MPPED2: variants seen among roughly 807,000 people sequenced by gnomAD.
MPPED2 encodes the protein metallophosphoesterase domain containing 2.
A neutral mutation model predicts 33.0 loss-of-function variants in MPPED2; 5 were observed. The observed-to-expected ratio is 0.15, with a 90% CI of 0.08 to 0.32. The LOEUF is 0.32. Ranked by LOEUF, MPPED2 falls within the 10% of genes least tolerant of loss-of-function variation. MPPED2 has a pLI of 1.00. For missense variants in MPPED2, 275 were observed against 372.1 expected (o/e 0.74, Z 2.15); for synonymous variants, 136 against 141.9 (o/e 0.96, Z 0.29).
At chr11:30,559,476 C>T (rs1305523768) in intron 2 of MPPED2, among the ~76,000 whole-genome samples, 2 of 152,096 alleles carry the variant, frequency 1.3e-5, no homozygotes, top group Admixed American at 1.3e-4. Context: ...CATGAACATG[C>T]TTAATTTGTA....
chr11:30,558,918 G>GGAT (rs1956113145), intron 2 of MPPED2, among the ~76,000 whole-genome samples: 1 of 152,092 alleles, frequency 6.6e-6, no homozygotes, highest in Non-Finnish European at 1.5e-5. Flanking sequence ...GCCAAAAGAA[G>GGAT]GATCTAGTTT....
chr11:30,439,882 T>C (rs1211186021), intron 4 of MPPED2, among the ~76,000 whole-genome samples: 1 of 152,244 alleles, frequency 6.6e-6, no homozygotes, highest in Non-Finnish European at 1.5e-5. Context: ...TTAACATCTC[T>C]GTGTCTCAGT....
At chr11:30,507,949 A>AG (rs1206278674) in intron 3 of MPPED2, among the ~76,000 whole-genome samples, 1 of 152,158 alleles carries the variant, frequency 6.6e-6, no homozygotes, top group African/African-American at 2.4e-5. Flanking sequence ...GCAGAATTGG[A>AG]GGTCTATTTT....
At chr11:30,497,139 G>C (rs115740636) in intron 3 of MPPED2, among the ~76,000 whole-genome samples, 233 of 152,252 alleles carry the variant, frequency 1.5e-3, no homozygotes, top group African/African-American at 5.3e-3. Flanking sequence ...AAAAAGAATA[G>C]GAAGCCTCCC....
chr11:30,529,323 T>C (rs996413086), intron 3 of MPPED2, among the ~76,000 whole-genome samples: 1 of 152,244 alleles, frequency 6.6e-6, no homozygotes, highest in Non-Finnish European at 1.5e-5. Context: ...TATGGAGGAA[T>C]GTATATTTTA....
downstream of MPPED2, among the ~76,000 whole-genome samples, chr11:30,407,683 G>A (rs1007483008): frequency 4.6e-5 from 7 of 152,070 alleles, no homozygotes; most frequent in African/African-American, 1.7e-4. Flanking sequence ...ACTGTCCTGG[G>A]CAACATGGGG....
chr11:30,420,408 G>A (rs1447018006), intron 4 of MPPED2, among the ~76,000 whole-genome samples: 2 of 152,208 alleles, frequency 1.3e-5, no homozygotes, highest in African/African-American at 2.4e-5. Flanking sequence ...CTGGATTTTA[G>A]TCCAGTGAGA....
intron 3 of MPPED2, among the ~76,000 whole-genome samples, chr11:30,499,201 C>T (rs1448476608): frequency 6.6e-6 from 1 of 152,156 alleles, no homozygotes; most frequent in Non-Finnish European, 1.5e-5. Flanking sequence ...GGGAGGTTCT[C>T]TTCACTTCTG....
chr11:30,385,189 A>G (rs1424766985), exon 7 of MPPED2: 1 of 152,244 alleles, frequency 6.6e-6, no homozygotes, highest in East Asian at 1.9e-4. Context: ...TCAAAGGATA[A>G]TCAGGTGTCA....
intron 6 of MPPED2, among the ~76,000 whole-genome samples, chr11:30,395,055 T>C (rs2133700267): frequency 6.6e-6 from 1 of 152,316 alleles, no homozygotes; most frequent in South Asian, 2.1e-4. Context: ...TCCACTGCAG[T>C]ATGTGTTTAT....
intron 3 of MPPED2, among the ~76,000 whole-genome samples, chr11:30,525,460 G>T (rs1468122695): frequency 6.6e-6 from 1 of 152,132 alleles, no homozygotes; most frequent in African/African-American, 2.4e-5. Flanking sequence ...TTCCTAAAAG[G>T]TCACCCTTTT....
intron 6 of MPPED2, among the ~76,000 whole-genome samples, chr11:30,405,162 A>T (rs946636906): frequency 6.6e-5 from 10 of 152,330 alleles, no homozygotes; most frequent in African/African-American, 2.2e-4. Context: ...TTTATACAAA[A>T]GGCATGGTGG....
chr11:30,539,133 A>G (rs1256137726), intron 2 of MPPED2, among the ~76,000 whole-genome samples: 1 of 152,152 alleles, frequency 6.6e-6, no homozygotes, highest in African/African-American at 2.4e-5. Flanking sequence ...GGCATTTGAT[A>G]AACACCTGGA....
intron 1 of MPPED2, among the ~76,000 whole-genome samples, chr11:30,583,217 G>A (rs1957272777): frequency 7.5e-6 from 1 of 132,736 alleles, no homozygotes; most frequent in Non-Finnish European, 1.5e-5. Flanking sequence ...CCTATAACCT[G>A]AGAAATTTGG....
intron 3 of MPPED2, among the ~76,000 whole-genome samples, chr11:30,507,096 G>A (rs1050259544): frequency 2.0e-5 from 3 of 152,142 alleles, no homozygotes; most frequent in African/African-American, 4.8e-5. Flanking sequence ...AACTTTCAAA[G>A]CATCTTCTTT....
intron 6 of MPPED2, among the ~76,000 whole-genome samples, chr11:30,395,607 G>A (rs1947830664): frequency 6.6e-6 from 1 of 152,168 alleles, no homozygotes; most frequent in African/African-American, 2.4e-5. Flanking sequence ...TGGTTGAGAT[G>A]CAAACATATT....
At chr11:30,531,533 A>C (rs1418960158) in intron 3 of MPPED2, among the ~76,000 whole-genome samples, 1 of 152,238 alleles carries the variant, frequency 6.6e-6, no homozygotes, top group African/African-American at 2.4e-5. Flanking sequence ...TCAAGTGTTC[A>C]TAAGTGGGAA....
intron 3 of MPPED2, among the ~76,000 whole-genome samples, chr11:30,509,863 G>A (rs1188868697): frequency 1.3e-5 from 2 of 152,178 alleles, no homozygotes; most frequent in Admixed American, 1.3e-4. Flanking sequence ...GTCACCCAAT[G>A]ACTTAGTTGC....
At chr11:30,544,357 T>A (rs558208465) in intron 2 of MPPED2, among the ~76,000 whole-genome samples, 1 of 152,234 alleles carries the variant, frequency 6.6e-6, no homozygotes, top group East Asian at 1.9e-4. Context: ...TGTAATACTG[T>A]ACTGAGTGCC....
Sources: gnomAD v4.1 joint callset for allele counts (sites outside exome capture counted in the v4.1 genomes callset) on GRCh38, gnomAD v4.1.1 for gene constraint, MANE v1.5 for transcripts, NCBI Gene and HGNC (gene_info 2026-07-23, HGNC 2026-07-21) for gene names.